The following MARCHF8 variants were observed in gnomAD, a reference collection of about 807,000 sequenced individuals.
The protein encoded by MARCHF8 is membrane associated ring-CH-type finger 8.
A neutral mutation model predicts 51.6 loss-of-function variants in MARCHF8; 40 were observed. That is an observed-to-expected ratio of 0.77 (90% CI 0.60 to 1.01). MARCHF8 has a LOEUF of 1.01. Among genes scored for constraint, MARCHF8 ranks in the 50% least tolerant of loss-of-function variants. The pLI is 0.00. For synonymous variants in MARCHF8, 263 were observed against 280.3 expected (o/e 0.94, Z 0.62); for missense variants, 685 against 708.6 (o/e 0.97, Z 0.38).
chr10:45,461,492 C>G (rs370903550), intron 5 of MARCHF8, 81 bp from the exon 6 acceptor site: 53 of 1,236,614 alleles, frequency 4.3e-5, no homozygotes, highest in Admixed American at 1.3e-4. Context: ...GTTAATCCCC[C>G]CAAAGGAAAC....
chr10:45,542,109 G>A (rs2044061361), intron 1 of MARCHF8, among the ~76,000 whole-genome samples: 1 of 152,114 alleles, frequency 6.6e-6, no homozygotes, highest in African/African-American at 2.4e-5. Context: ...ACTCTGGGAG[G>A]CTGAGGCAGG....
At chr10:45,501,338 A>G (rs1354062877) in intron 2 of MARCHF8, among the ~76,000 whole-genome samples, 2 of 152,144 alleles carry the variant, frequency 1.3e-5, no homozygotes, top group African/African-American at 2.4e-5. Context: ...AGACATAACC[A>G]TCAATGGAAC....
intron 2 of MARCHF8, among the ~76,000 whole-genome samples, chr10:45,516,017 T>G (rs528362317): frequency 4.5e-4 from 69 of 152,332 alleles, no homozygotes; most frequent in Middle Eastern, 6.8e-3. Flanking sequence ...CTTCCCCTTT[T>G]GAAGTGACAT....
chr10:45,462,749 C>T (rs1842831270), intron 5 of MARCHF8, among the ~76,000 whole-genome samples: 1 of 152,094 alleles, frequency 6.6e-6, no homozygotes, highest in Non-Finnish European at 1.5e-5. Flanking sequence ...CCTCAGCCTC[C>T]TGAGTAGCTG....
chr10:45,544,909 G>A (rs2044101051), intron 1 of MARCHF8, among the ~76,000 whole-genome samples: 2 of 151,990 alleles, frequency 1.3e-5, no homozygotes, highest in South Asian at 2.1e-4. Flanking sequence ...ACCTCATTTT[G>A]TACTACCCCT....
Position 45,463,939 on chromosome 10 carries a change from G to A in MARCHF8, c.300C>T (p.Val100=), listed in dbSNP as rs1842882512. The change falls in exon 5 of 8, where the codon GTC becomes GTT. Residue 100 remains valine, a synonymous_variant. Coordinates refer to ENST00000453424, the MANE Select transcript of MARCHF8 (RefSeq NM_001282866.2). The stretch of plus-strand genomic sequence containing the variant: ...AACTCTGGCAGTGAGGAGCTTTCGA[G>A]ACAACAGCAGACTGCACGGAACTGT... ...CHHSSVQSAV[V]SKAPHCQSSL... 2.0e-6 allele frequency: 3 copies of A among 1,536,080 alleles called. No individual in the cohort carries two copies. Among genetic ancestry groups the A allele is most frequent in the Non-Finnish European group, 1.7e-6 (2 of 1,146,934 alleles).
At chr10:45,528,224 A>G (rs2043822578) in intron 2 of MARCHF8, among the ~76,000 whole-genome samples, 1 of 152,196 alleles carries the variant, frequency 6.6e-6, no homozygotes, top group African/African-American at 2.4e-5. Context: ...ACTCCTACTC[A>G]ACACAGTACT....
At chr10:45,538,851 C>A (rs1262435268), upstream of MARCHF8, among the ~76,000 whole-genome samples, 3 of 152,160 alleles carry the variant, frequency 2.0e-5, no homozygotes, top group South Asian at 2.1e-4. Context: ...GACTTAGACA[C>A]CCACACAGTA....
intron 3 of MARCHF8, among the ~76,000 whole-genome samples, chr10:45,468,871 TTG>T (rs1843060946): frequency 6.6e-6 from 1 of 152,186 alleles, no homozygotes; most frequent in Non-Finnish European, 1.5e-5. Context: ...TGCTTATACA[TTG>T]CTGGTGGGAG....
Position 45,463,670 on chromosome 10 carries a change from G to GT in MARCHF8, c.568dup (p.Thr190AsnfsTer6), listed in dbSNP as rs1432902667. On this transcript the variant is annotated frameshift_variant, in exon 5 of 8. Transcript: ENST00000453424. LOFTEE classifies it high-confidence loss of function. The stretch of plus-strand genomic sequence containing the variant: ...ATGAAACCTGTTAGTTCTGAGACAC[G>GT]TATCTTGAGGGAGTATTAATTTCCC... 1.3e-6 allele frequency: 2 copies of GT among 1,550,664 alleles called. No individual in the cohort carries two copies. Among genetic ancestry groups the GT allele is most frequent in the African/African-American group, 2.7e-5 (2 of 73,066 alleles).
At position 45,466,154 on chromosome 10, in the gene MARCHF8, T is replaced by C. The variant is rs141707559; in HGVS notation, c.154-1827A>G. Among the ~76,000 whole-genome samples, 660 of 152,282 alleles carry C rather than the reference T, an allele frequency of 4.3e-3. 3 individuals are homozygous for C. Among genetic ancestry groups the C allele is most frequent in the African/African-American group, 0.015 (629 of 41,554 alleles). On this transcript the variant is annotated intron_variant, in intron 3 of 7. Transcript: ENST00000453424. ...GCCCCAGAGACAAGCACTCAAGGCC[T>C]TTTAGTACAATGGGCTTTACTGTTT...
At chr10:45,509,138 G>C (rs1330701390) in intron 2 of MARCHF8, among the ~76,000 whole-genome samples, 1 of 152,186 alleles carries the variant, frequency 6.6e-6, no homozygotes, top group Non-Finnish European at 1.5e-5. Flanking sequence ...ACAACTTTCA[G>C]ACCATACCAG....
At chr10:45,491,454 G>T (rs114681744) in intron 2 of MARCHF8, among the ~76,000 whole-genome samples, 3,657 of 152,152 alleles carry the variant, frequency 0.024, 135 homozygotes, top group African/African-American at 0.079. Context: ...AAGGAGAATC[G>T]CTTGAAACTG....
intron 3 of MARCHF8, among the ~76,000 whole-genome samples, chr10:45,487,828 C>T (rs1214948067): frequency 6.6e-6 from 1 of 151,628 alleles, no homozygotes; most frequent in African/African-American, 2.4e-5. Flanking sequence ...ATTAAAATGG[C>T]ATATAATGTA....
intron 2 of MARCHF8, among the ~76,000 whole-genome samples, chr10:45,522,718 T>C (rs1043538142): frequency 2.0e-5 from 3 of 152,204 alleles, no homozygotes; most frequent in East Asian, 1.9e-4. Flanking sequence ...TGCTCTGCTT[T>C]TTAAAAAACA....
At position 45,512,536 on chromosome 10, in the gene MARCHF8, G is replaced by C. The variant is rs1392047598; in HGVS notation, c.102+20574C>G. Among the ~76,000 whole-genome samples the C allele has an allele frequency of 1.7e-4, 24 of 145,166 alleles. No homozygotes were observed. In the East Asian group the frequency reaches 4.1e-3, roughly 25 times the overall value. The stretch of plus-strand genomic sequence containing the variant: ...CGGGAGGTGAGGGGCGCCTCTGCCC[G>C]GCCGCTCCTACTGGGAAGTGAGGAG... On this transcript the variant is annotated intron_variant, in intron 2 of 7. Transcript: ENST00000453424.
chr10:45,474,343 C>T (rs910776107), intron 3 of MARCHF8, among the ~76,000 whole-genome samples: 1 of 152,162 alleles, frequency 6.6e-6, no homozygotes, highest in Non-Finnish European at 1.5e-5. Context: ...GTACACTGTG[C>T]ATCGCCCCTG....
At chr10:45,558,205 G>C (rs2044273086) in intron 1 of MARCHF8, among the ~76,000 whole-genome samples, 1 of 152,170 alleles carries the variant, frequency 6.6e-6, no homozygotes, top group Non-Finnish European at 1.5e-5. Flanking sequence ...CATGACTGAG[G>C]ATAATAGCAG....
chr10:45,463,788 T>C lies in MARCHF8; in HGVS notation c.451A>G (p.Thr151Ala). The C allele has an allele frequency of 6.4e-7, 1 of 1,550,766 alleles. No individual in the cohort carries two copies. The highest frequency in any genetic ancestry group is 8.7e-7 in the Non-Finnish European group (1 of 1,147,128). Residue 151 changes from threonine to alanine, a missense_variant, in exon 5 of 8, where the codon ACA becomes GCA. Thr to Ala is a moderately conservative substitution (Grantham distance 58). Coordinates refer to ENST00000453424, the MANE Select transcript of MARCHF8 (RefSeq NM_001282866.2). The stretch of plus-strand genomic sequence containing the variant: ...TTGAGGGACCTTGAGAACTTTAGTG[T>C]TCTTCTGGCTTTGGTATTCTTAGCA... ...KPAKNTKARR[T>A]LKFSRSLNDV...
Sources: allele counts gnomAD v4.1 joint callset (sites outside exome capture counted in the v4.1 genomes callset), GRCh38; gene constraint gnomAD v4.1.1; transcripts MANE v1.5; gene names NCBI Gene and HGNC (gene_info 2026-07-23, HGNC 2026-07-21).